The following MYO5A variants were observed in gnomAD, a reference collection of about 807,000 sequenced individuals.
MYO5A encodes the protein myosin VA, also known as unconventional myosin-Va.
Under a neutral mutation model 249.7 loss-of-function variants are expected in MYO5A, and 98 were observed. The observed-to-expected ratio is 0.39, with a 90% confidence interval of 0.33 to 0.46. The LOEUF (loss-of-function observed/expected upper bound fraction) is 0.46. Ranked by LOEUF, MYO5A falls within the 20% of genes least tolerant of loss-of-function variation. The pLI is 0.98. For synonymous variants in MYO5A, 778 were observed against 810.6 expected (o/e 0.96, Z 0.68); for missense variants, 1,696 against 2,308.8 (o/e 0.73, Z 5.44).
chr15:52,357,452 C>CAAA (rs35645503), intron 25 of MYO5A, among the ~76,000 whole-genome samples: 2,419 of 93,616 alleles, frequency 0.026, 76 homozygotes, highest in African/African-American at 0.074. Flanking sequence ...CTAGAACTAG[C>CAAA]AAAAAAAAAA....
At chr15:52,358,032 C>G (rs16964910) in intron 25 of MYO5A, among the ~76,000 whole-genome samples, 14,791 of 152,212 alleles carry the variant, frequency 0.097, 2,235 homozygotes, top group African/African-American at 0.33. Flanking sequence ...GAAAGCTTGA[C>G]AGCAGAAGCA....
intron 1 of MYO5A, among the ~76,000 whole-genome samples, chr15:52,490,774 AGTGGTGTGATG>A (rs1280848387): frequency 3.9e-5 from 6 of 152,128 alleles, no homozygotes; most frequent in African/African-American, 1.4e-4. Flanking sequence ...GCTGGAGTGC[AGTGGTGTGATG>A]ATCACAGCTC....
At chr15:52,521,192 C>T (rs1012274497) in intron 1 of MYO5A, among the ~76,000 whole-genome samples, 15 of 150,060 alleles carry the variant, frequency 1.0e-4, no homozygotes, top group African/African-American at 3.5e-4. Flanking sequence ...CACGCCACTG[C>T]ACTCCAGCCT....
intron 36 of MYO5A, chr15:52,323,671 A>G (rs1004760893): frequency 4.5e-6 from 2 of 442,698 alleles, no homozygotes; most frequent in African/African-American, 4.0e-5. Context: ...GGCATAGAAA[A>G]TTAAACTGAT....
intron 1 of MYO5A, among the ~76,000 whole-genome samples, chr15:52,444,094 C>T (rs551183189): frequency 1.3e-5 from 2 of 152,196 alleles, no homozygotes; most frequent in Admixed American, 1.3e-4. Context: ...TGCTTTGTCA[C>T]CATTAAGTAG....
intron 3 of MYO5A, among the ~76,000 whole-genome samples, chr15:52,427,908 C>T (rs2141288495): frequency 6.6e-6 from 1 of 152,196 alleles, no homozygotes; most frequent in African/African-American, 2.4e-5. Context: ...ATAAAAAGCA[C>T]CATGAGCTGG....
intron 19 of MYO5A, among the ~76,000 whole-genome samples, chr15:52,376,091 A>G (rs150906066): frequency 1.2e-4 from 18 of 152,360 alleles, no homozygotes; most frequent in African/African-American, 3.8e-4. Context: ...CTCAAGCCCA[A>G]TATAAAAGTA....
intron 24 of MYO5A, among the ~76,000 whole-genome samples, chr15:52,360,674 C>A (rs1336721775): frequency 1.3e-5 from 2 of 152,070 alleles, no homozygotes; most frequent in Non-Finnish European, 2.9e-5. Context: ...CTCTGAAGAG[C>A]CCTCGGTTAT....
rs532337970 is a variant in MYO5A, at chr15:52,460,763, AC to A, written c.28-27479del. Among the ~76,000 whole-genome samples the A allele has an allele frequency of 2.1e-4, 32 of 152,274 alleles. No individual in the cohort carries two copies. In the South Asian group the frequency reaches 6.0e-3, roughly 29 times the overall value. ...CTTTAATGACATAGTTTCTCCCCCCACCCCAAAACAAAGAAGACAAAAAGAA... is the reference window on the plus strand; with the variant it reads ...CTTTAATGACATAGTTTCTCCCCCCACCCAAAACAAAGAAGACAAAAAGAA... On this transcript the variant is annotated intron_variant, in intron 1 of 41. Coordinates refer to ENST00000399233, the MANE Select transcript of MYO5A (RefSeq NM_001382347.1).
At chr15:52,491,824 C>T (rs1449229903) in intron 1 of MYO5A, among the ~76,000 whole-genome samples, 1 of 152,068 alleles carries the variant, frequency 6.6e-6, no homozygotes, top group East Asian at 1.9e-4. Flanking sequence ...TGAACTACAC[C>T]ATGGCAACAT....
intron 1 of MYO5A, among the ~76,000 whole-genome samples, chr15:52,445,700 G>A (rs2075874680): frequency 6.6e-6 from 1 of 152,200 alleles, no homozygotes; most frequent in African/African-American, 2.4e-5. Context: ...GGTCTCAGAC[G>A]GAAATGTGGA....
rs749202486 is a variant in MYO5A, at chr15:52,364,622, G to C, written c.3241C>G (p.Leu1081Val). 3 of 1,613,834 alleles carry C rather than the reference G, an allele frequency of 1.9e-6. No homozygotes were observed. Among genetic ancestry groups the C allele is most frequent in the Non-Finnish European group, 1.7e-6 (2 of 1,179,940 alleles). ...LNDERLRYQN[L>V]LNEFSRLEER... ...TCCAGGCGACTGAACTCATTCAGAA[G>C]GTTCTGATATCTCAGCCTTTCATCA... is the stretch of plus-strand genomic sequence containing the variant. Residue 1081 changes from leucine to valine, a missense_variant, in exon 24 of 42, where the codon CTT becomes GTT. This residue lies in a region of MYO5A where 412 missense variants were observed against 453.3 expected (regional missense o/e 0.91). Coordinates refer to ENST00000399233, the MANE Select transcript of MYO5A (RefSeq NM_001382347.1).
intron 1 of MYO5A, among the ~76,000 whole-genome samples, chr15:52,494,351 C>G (rs939889499): frequency 4.6e-5 from 7 of 152,158 alleles, no homozygotes; most frequent in Non-Finnish European, 1.5e-5. Context: ...CAAGGGTCTT[C>G]TTGGTTCTGT....
chr15:52,364,588 T>C lies in MYO5A; in HGVS notation c.3275A>G (p.Tyr1092Cys), dbSNP rs761975608. The change falls in exon 24 of 42, where the codon TAT becomes TGT. Residue 1092 changes from tyrosine (Y) to cysteine (C), a missense_variant. Physicochemically the swap from Tyr to Cys is radical, Grantham distance 194. Around this residue, in one of 5 missense-constraint regions of MYO5A, gnomAD observed 412 missense variants for 453.3 expected, o/e 0.91. Coordinates refer to ENST00000399233, the MANE Select transcript of MYO5A (RefSeq NM_001382347.1). ...LNEFSRLEERYDDLKEEMTLM... is the reference protein window; with the variant it reads ...LNEFSRLEERCDDLKEEMTLM... ...GGTCATCTCTTCCTTGAGGTCATCATATCTTTCTTCCAGGCGACTGAACTC... is the reference window on the plus strand; with the variant it reads ...GGTCATCTCTTCCTTGAGGTCATCACATCTTTCTTCCAGGCGACTGAACTC... 1 of 1,613,910 alleles carries C rather than the reference T, an allele frequency of 6.2e-7. No homozygotes were observed. Among genetic ancestry groups the C allele is most frequent in the Non-Finnish European group, 8.5e-7 (1 of 1,179,980 alleles).
At chr15:52,472,843 C>T (rs1170406896) in intron 1 of MYO5A, among the ~76,000 whole-genome samples, 1 of 152,204 alleles carries the variant, frequency 6.6e-6, no homozygotes, top group Non-Finnish European at 1.5e-5. Flanking sequence ...AATAGTACCT[C>T]AATAAACATA....
intron 35 of MYO5A, chr15:52,329,016 T>C (rs1365359515): frequency 1.3e-5 from 2 of 152,268 alleles, no homozygotes; most frequent in African/African-American, 4.8e-5. Context: ...CACTCTTTAT[T>C]CTTTTTACTC....
At chr15:52,460,295 C>T (rs2076219697) in intron 1 of MYO5A, among the ~76,000 whole-genome samples, 1 of 152,170 alleles carries the variant, frequency 6.6e-6, no homozygotes, top group African/African-American at 2.4e-5. Context: ...CCAAGGCAGG[C>T]GGCTGGGAGG....
chr15:52,396,480 G>T, intron 10 of MYO5A, 83 bp from the exon 11 acceptor site: 1 of 773,240 alleles, frequency 1.3e-6, no homozygotes. Context: ...ACATTAGGAA[G>T]AAAGAAGTGG....
intron 5 of MYO5A, among the ~76,000 whole-genome samples, chr15:52,415,437 C>T (rs925625345): frequency 6.6e-6 from 1 of 152,128 alleles, no homozygotes; most frequent in African/African-American, 2.4e-5. Flanking sequence ...TTTTCATTGG[C>T]ACAGGCATTT....
Sources: allele counts gnomAD v4.1 joint callset (sites outside exome capture counted in the v4.1 genomes callset), GRCh38; gene constraint gnomAD v4.1.1; regional missense constraint gnomAD v4.1.1; transcripts MANE v1.5; gene names NCBI Gene and HGNC (gene_info 2026-07-23, HGNC 2026-07-21).